TMPRSS11A: variants seen among roughly 807,000 people sequenced by gnomAD.
TMPRSS11A encodes transmembrane serine protease 11A, also known as transmembrane protease serine 11A.
A neutral mutation model predicts 58.9 loss-of-function variants in TMPRSS11A; 53 were observed. The observed-to-expected ratio is 0.90, with a 90% CI of 0.72 to 1.13. The LOEUF is 1.13. TMPRSS11A is among the 50% of genes most tolerant of loss of function. The pLI is 0.00. For missense variants in TMPRSS11A, 493 were observed against 499.3 expected, an observed-to-expected ratio of 0.99 and a Z score of 0.12; for synonymous variants, 167 against 169.8, an observed-to-expected ratio of 0.98 and a Z score of 0.13.
intron 3 of TMPRSS11A, among the ~76,000 whole-genome samples, chr4:67,933,286 A>ATGGC (rs1204041115): frequency 6.6e-6 from 1 of 152,174 alleles, no homozygotes; most frequent in African/African-American, 2.4e-5. Context: ...CCTGTTAGAA[A>ATGGC]TCTGTGACTC....
Position 67,923,090 on chromosome 4 carries a change from G to T in TMPRSS11A, c.521-164C>A, listed in dbSNP as rs79237127. On this transcript the variant is annotated intron_variant, in intron 6 of 9. Coordinates refer to ENST00000508048, the MANE Select transcript of TMPRSS11A (RefSeq NM_001114387.2). ...TGGCCTCTTCTCTCTCACATTTCAG[G>T]GTTCACTTTCTTACTGTGTGAGAAC... Among the ~76,000 whole-genome samples the T allele has an allele frequency of 3.8e-3, 571 of 152,100 alleles. 6 individuals are homozygous for T. The highest frequency in any genetic ancestry group is 0.035 in the East Asian group (182 of 5,170).
chr4:67,961,851 A>G (rs1273963513), intron 1 of TMPRSS11A, among the ~76,000 whole-genome samples: 1 of 152,064 alleles, frequency 6.6e-6, no homozygotes, highest in East Asian at 1.9e-4. Flanking sequence ...TGTCTGGAAC[A>G]ATGGCATTGA....
intron 5 of TMPRSS11A, among the ~76,000 whole-genome samples, chr4:67,924,381 C>A (rs1168839115): frequency 6.6e-6 from 1 of 152,158 alleles, no homozygotes; most frequent in African/African-American, 2.4e-5. Context: ...CTATCACAAG[C>A]AATGGGTGAG....
Position 67,920,547 on chromosome 4 carries a change from A to T in TMPRSS11A, c.693-1315T>A, listed in dbSNP as rs993242828. 9.9e-4 allele frequency among the ~76,000 whole-genome samples: 79 copies of T among 80,102 alleles called. No homozygotes were observed. The South Asian group carries it at 0.013, about 13-fold the overall frequency. 52.6% of individuals were successfully genotyped at this position (80,102 alleles called of 152,430 possible). On this transcript the variant is annotated intron_variant, in intron 7 of 9. Transcript: ENST00000508048. ...GGTAATTATATATATATATATATAT[A>T]TATTTTTTTTTATATATACACACAC...
At chr4:67,921,296 T>C (rs1720323633) in intron 7 of TMPRSS11A, among the ~76,000 whole-genome samples, 2 of 152,224 alleles carry the variant, frequency 1.3e-5, no homozygotes, top group African/African-American at 4.8e-5. Flanking sequence ...CTCTCACATC[T>C]TTCAAACATT....
At chr4:67,928,997 C>T (rs353150) in intron 5 of TMPRSS11A, among the ~76,000 whole-genome samples, 25,022 of 152,170 alleles carry the variant, frequency 0.16, 2,572 homozygotes, top group African/African-American at 0.3. Context: ...TTTAATATGA[C>T]ACTATAAGGA....
At position 67,944,557 on chromosome 4, in the gene TMPRSS11A, A is replaced by G. The variant is rs2109761076; in HGVS notation, c.214T>C (p.Tyr72His). The change falls in exon 3 of 10, where the codon TAT becomes CAT. Residue 72 changes from tyrosine (Y) to histidine (H), a missense_variant. Physicochemically the swap from Tyr to His is moderately conservative, Grantham distance 83. Transcript: ENST00000508048. ...GTCTCTCGTAAGTCCTTAAGTTGAT[A>G]TGTGTTGCTTTGTCCGAAATTGTTA... ...INNNFGQSNT[Y>H]QLKDLRETTE... is the part of the protein sequence containing the mutation. 1.2e-6 allele frequency: 2 copies of G among 1,613,138 alleles called. No homozygotes were observed. Among genetic ancestry groups the G allele is most frequent in the East Asian group, 2.2e-5 (1 of 44,852 alleles).
intron 1 of TMPRSS11A, among the ~76,000 whole-genome samples, chr4:67,961,482 CCTTTTTTTT>C (rs1721419503): frequency 6.0e-4 from 61 of 102,412 alleles, no homozygotes; most frequent in African/African-American, 1.7e-3. Context: ...CTTTTCTTTT[CCTTTTTTTT>C]TTTTTTTTTT....
intron 1 of TMPRSS11A, among the ~76,000 whole-genome samples, chr4:67,960,029 G>A (rs1036276191): frequency 2.0e-5 from 3 of 152,190 alleles, no homozygotes; most frequent in Non-Finnish European, 4.4e-5. Context: ...GATGAAGCTG[G>A]AGGCCATAAT....
At chr4:67,937,768 A>T (rs1720785838) in intron 3 of TMPRSS11A, among the ~76,000 whole-genome samples, 1 of 152,106 alleles carries the variant, frequency 6.6e-6, no homozygotes, top group African/African-American at 2.4e-5. Flanking sequence ...ATAGATATAT[A>T]TACATATATA....
chr4:67,952,875 G>C (rs10016800), intron 1 of TMPRSS11A, among the ~76,000 whole-genome samples: 1 of 152,160 alleles, frequency 6.6e-6, no homozygotes, highest in Non-Finnish European at 1.5e-5. Flanking sequence ...AGTGGAGGGA[G>C]GAGAGGTTTC....
chr4:67,952,905 G>GA (rs1372879398), intron 1 of TMPRSS11A, among the ~76,000 whole-genome samples: 1 of 152,048 alleles, frequency 6.6e-6, no homozygotes, highest in Non-Finnish European at 1.5e-5. Context: ...GATAGATTTG[G>GA]AAAAAATGGT....
chr4:67,959,826 T>A (rs1023859383), intron 1 of TMPRSS11A, among the ~76,000 whole-genome samples: 1 of 152,176 alleles, frequency 6.6e-6, no homozygotes, highest in Admixed American at 6.5e-5. Flanking sequence ...TGAATATATA[T>A]CCAAAGAAAA....
Position 67,911,420 on chromosome 4 carries a change from A to C in TMPRSS11A, c.1179T>G (p.Cys393Trp), listed in dbSNP as rs760201060. The change falls in exon 10 of 10, where the codon TGT becomes TGG. Residue 393 changes from cysteine to tryptophan, a missense_variant. By Grantham distance (215) the Cys-to-Trp change is radical (BLOSUM62 -2). Coordinates refer to ENST00000508048, the MANE Select transcript of TMPRSS11A (RefSeq NM_001114387.2). ...AGACTCCAGGCTTGTCCTTTTGACCACAGTTATCTCCCCAGCTTACAATTC... is the reference window on the plus strand; with the variant it reads ...AGACTCCAGGCTTGTCCTTTTGACCCCAGTTATCTCCCCAGCTTACAATTC... ...LIGIVSWGDN[C>W]GQKDKPGVYT... The C allele has an allele frequency of 3.1e-6, 5 of 1,613,622 alleles. No homozygotes were observed. Among genetic ancestry groups the C allele is most frequent in the Non-Finnish European group, 4.2e-6 (5 of 1,179,716 alleles).
chr4:67,949,442 C>T (rs185685545), intron 1 of TMPRSS11A, among the ~76,000 whole-genome samples: 2 of 152,330 alleles, frequency 1.3e-5, no homozygotes, highest in Admixed American at 1.3e-4. Context: ...AGCAGATGCG[C>T]ACTGCCAGAT....
In TMPRSS11A at chr4:67,932,069, C is replaced by A; in HGVS notation, c.253-9G>T. ...ATAAATATCTCATCCACCTGTTACA[C>A]AACAAGAGAGAAACTATGTGTTAAT... On this transcript the variant is annotated splice_polypyrimidine_tract_variant and intron_variant, in intron 3 of 9. Coordinates refer to ENST00000508048, the MANE Select transcript of TMPRSS11A (RefSeq NM_001114387.2). 6.7e-7 allele frequency: 1 copy of A among 1,486,528 alleles called. No homozygotes were observed. Among genetic ancestry groups the A allele is most frequent in the Non-Finnish European group, 9.4e-7 (1 of 1,065,734 alleles). 92.1% of individuals were successfully genotyped at this position (1,486,528 alleles called of 1,614,324 possible).
Position 67,924,142 on chromosome 4 carries a change from A to G in TMPRSS11A, c.506T>C (p.Leu169Ser), listed in dbSNP as rs1157364459. The G allele has an allele frequency of 1.2e-6, 2 of 1,613,504 alleles. No homozygotes were observed. Among genetic ancestry groups the G allele is most frequent in the Non-Finnish European group, 8.5e-7 (1 of 1,179,582 alleles). ...ACTTGACTTACTTGCTTGGACAGTT[A>G]ACTCCCCTGTTGATGAGCTCATTGC... is the stretch of plus-strand genomic sequence containing the variant. ...VNAMSSSTGE[L>S]TVQASCGKRV... The change falls in exon 6 of 10, where the codon TTA (leucine) becomes TCA (serine). Residue 169 changes from leucine to serine, a missense_variant. Coordinates refer to ENST00000508048, the MANE Select transcript of TMPRSS11A (RefSeq NM_001114387.2).
At chr4:67,948,939 GCC>G (rs10536228) in intron 1 of TMPRSS11A, among the ~76,000 whole-genome samples, 100,214 of 151,684 alleles carry the variant, frequency 0.66, 36,918 homozygotes, top group Non-Finnish European at 0.83. Context: ...TATTCTCGGT[GCC>G]CCTCTCGATT....
chr4:67,955,102 G>T (rs775336094), intron 1 of TMPRSS11A, among the ~76,000 whole-genome samples: 14 of 152,120 alleles, frequency 9.2e-5, no homozygotes, highest in Non-Finnish European at 1.8e-4. Context: ...TCTTGGAGTT[G>T]CCCCATAGGA....
Sources: gnomAD v4.1 joint callset for allele counts (sites outside exome capture counted in the v4.1 genomes callset) on GRCh38, gnomAD v4.1.1 for gene constraint, MANE v1.5 for transcripts, NCBI Gene and HGNC (gene_info 2026-07-23, HGNC 2026-07-21) for gene names.